The following PCDHA11 variants were observed in gnomAD, a reference collection of about 807,000 sequenced individuals.
PCDHA11 encodes the protein protocadherin alpha-11.
A neutral mutation model predicts 70.3 loss-of-function variants in PCDHA11; 61 were observed. That is an observed-to-expected ratio of 0.87 (90% confidence interval 0.71 to 1.07). The LOEUF is 1.07. Among genes scored for constraint, PCDHA11 ranks in the 50% least tolerant of loss-of-function variants. PCDHA11 has a pLI of 0.00. For missense variants in PCDHA11, 1,324 were observed against 1,237.5 expected (o/e 1.07, Z -1.05); for synonymous variants, 633 against 555.1 (o/e 1.14, Z -1.97).
intron 1 of PCDHA11, among the ~76,000 whole-genome samples, chr5:140,951,147 AATATAGT>A (rs1554219760): frequency 9.9e-6 from 1 of 100,716 alleles, no homozygotes; most frequent in African/African-American, 4.8e-5. Flanking sequence ...TATCTTATTG[AATATAGT>A]TATAGTAGCT....
intron 1 of PCDHA11, among the ~76,000 whole-genome samples, chr5:140,924,892 C>A: frequency 1.2e-5 from 1 of 82,680 alleles, no homozygotes; most frequent in Admixed American, 1.2e-4. Context: ...AAGAACCTGT[C>A]TCAAAAAAAA....
At chr5:140,903,321 T>A (rs2070191003) in intron 1 of PCDHA11, among the ~76,000 whole-genome samples, 1 of 152,174 alleles carries the variant, frequency 6.6e-6, no homozygotes, top group Non-Finnish European at 1.5e-5. Flanking sequence ...GACAGCATTT[T>A]TATTGAGGAA....
At chr5:140,965,314 T>C (rs563123453) in intron 1 of PCDHA11, among the ~76,000 whole-genome samples, 1 of 152,254 alleles carries the variant, frequency 6.6e-6, no homozygotes, top group East Asian at 1.9e-4. Flanking sequence ...TACCTTCTCT[T>C]TTACTGAAGT....
At chr5:140,951,326 T>C (rs2094571744) in intron 1 of PCDHA11, among the ~76,000 whole-genome samples, 1 of 152,158 alleles carries the variant, frequency 6.6e-6, no homozygotes, top group Admixed American at 6.5e-5. Context: ...TTGAGATTCA[T>C]CATTCTGTTT....
At chr5:140,885,157 C>G (rs2060491561) in intron 1 of PCDHA11, among the ~76,000 whole-genome samples, 1 of 151,962 alleles carries the variant, frequency 6.6e-6, no homozygotes, top group African/African-American at 2.4e-5. Context: ...TTGATTGTCT[C>G]TACTTTTTTG....
At chr5:140,920,828 G>A (rs1482219421) in intron 1 of PCDHA11, among the ~76,000 whole-genome samples, 4 of 147,976 alleles carry the variant, frequency 2.7e-5, no homozygotes, top group African/African-American at 1.0e-4. Context: ...TGGCGACGGA[G>A]CAAGACCAAA....
At chr5:140,968,591 G>A (rs1289458266) in intron 1 of PCDHA11, 3 of 1,614,098 alleles carry the variant, frequency 1.9e-6, no homozygotes, top group Non-Finnish European at 2.5e-6. Flanking sequence ...CAAAGTCATA[G>A]CTATGGACTC....
chr5:140,992,976 AG>A (rs2097535791), intron 3 of PCDHA11, among the ~76,000 whole-genome samples: 3 of 152,240 alleles, frequency 2.0e-5, no homozygotes, highest in Non-Finnish European at 4.4e-5. Flanking sequence ...GACAATGATT[AG>A]GCCATGGGAC....
intron 1 of PCDHA11, among the ~76,000 whole-genome samples, chr5:140,909,595 A>G (rs1336934015): frequency 6.6e-6 from 1 of 151,976 alleles, no homozygotes; most frequent in Non-Finnish European, 1.5e-5. Context: ...TTGATTTACT[A>G]TTTTTCTAGG....
In PCDHA11 at chr5:140,883,789, C is replaced by T. The variant is rs782802452; in HGVS notation, c.2391+12295C>T. ...TGGGCGAGCGTGCGCTGTCGAGCTACGTGTCGGTGCACGCGGAGAGCGGCA... is the reference window on the plus strand; with the variant it reads ...TGGGCGAGCGTGCGCTGTCGAGCTATGTGTCGGTGCACGCGGAGAGCGGCA... On this transcript the variant is annotated intron_variant, in intron 1 of 3. Coordinates refer to ENST00000398640, the MANE Select transcript of PCDHA11 (RefSeq NM_018902.5). 1.4e-5 allele frequency: 22 copies of T among 1,612,296 alleles called. No homozygotes were observed. In the South Asian group the frequency reaches 2.0e-4, roughly 14 times the overall value.
rs147430561 is a variant in PCDHA11, at chr5:140,928,238, A to G, written c.2392-50711A>G. 4.7e-4 allele frequency: 756 copies of G among 1,614,188 alleles called. 4 individuals carry two copies. The African/African-American group carries it at 9.0e-3, about 19-fold the overall frequency. Reference sequence around the variant, plus strand: ...AATACACCAAACTTTCCTCAACCCCAGCAGGAACTTTTCGTTGCTGAAAAC... The same window carrying G: ...AATACACCAAACTTTCCTCAACCCCGGCAGGAACTTTTCGTTGCTGAAAAC... On this transcript the variant is annotated intron_variant, in intron 1 of 3. Coordinates refer to ENST00000398640, the MANE Select transcript of PCDHA11 (RefSeq NM_018902.5).
chr5:140,870,096 T>C lies in PCDHA11; in HGVS notation c.993T>C (p.Gly331=). ...ATDKGTPPMA[G]HCTVWVEILD... ...ATAAGGGGACTCCCCCAATGGCAGG[T>C]CACTGTACAGTCTGGGTGGAAATCT... Residue 331 remains glycine (G), a synonymous_variant, in exon 1 of 4, where the codon GGT becomes GGC. Transcript: ENST00000398640. The C allele has an allele frequency of 6.2e-7, 1 of 1,613,854 alleles. No individual in the cohort carries two copies. Among genetic ancestry groups the C allele is most frequent in the Non-Finnish European group, 8.5e-7 (1 of 1,179,890 alleles).
At chr5:141,003,160 C>T (rs1383713910) in intron 3 of PCDHA11, among the ~76,000 whole-genome samples, 3 of 152,200 alleles carry the variant, frequency 2.0e-5, no homozygotes. Context: ...CCTGATCAAT[C>T]CTAGTCCCTG....
At chr5:140,918,940 A>C (rs541337613) in intron 1 of PCDHA11, among the ~76,000 whole-genome samples, 51 of 152,328 alleles carry the variant, frequency 3.3e-4, no homozygotes, top group African/African-American at 1.2e-3. Flanking sequence ...TTTTGTTATA[A>C]TATCCTGAAC....
At chr5:140,962,585 T>C (rs2095694248) in intron 1 of PCDHA11, among the ~76,000 whole-genome samples, 1 of 152,216 alleles carries the variant, frequency 6.6e-6, no homozygotes, top group South Asian at 2.1e-4. Flanking sequence ...ATGCCAAATA[T>C]TTGACTGATA....
rs782482530 is a variant in PCDHA11, at chr5:140,871,024, T to A, written c.1921T>A (p.Ser641Thr). Residue 641 changes from serine (S) to threonine (T), a missense_variant, in exon 1 of 4, where the codon TCG (serine) becomes ACG (threonine). Physicochemically the swap from Ser to Thr is moderately conservative, Grantham distance 58 (BLOSUM62 1). Coordinates refer to ENST00000398640, the MANE Select transcript of PCDHA11 (RefSeq NM_018902.5). ...STTRALDEADSPRHRLLVLVK... is the reference protein window; with the variant it reads ...STTRALDEADTPRHRLLVLVK... Reference sequence around the variant, plus strand: ...AACGCGTGCCCTGGACGAGGCAGACTCGCCGCGCCACCGACTTCTAGTACT... The same window carrying A: ...AACGCGTGCCCTGGACGAGGCAGACACGCCGCGCCACCGACTTCTAGTACT... 2 of 1,613,076 alleles carry A rather than the reference T, an allele frequency of 1.2e-6. No homozygotes were observed. Among genetic ancestry groups the A allele is most frequent in the African/African-American group, 1.3e-5 (1 of 74,900 alleles).
chr5:141,009,562 C>G lies in PCDHA11; in HGVS notation c.2540-65C>G, dbSNP rs1469033090. On this transcript the variant is annotated intron_variant, in intron 3 of 3. Transcript: ENST00000398640. ...GCCTATGCAGTACTCCTGTACTCTA[C>G]CAGCAGTGTGGCATCAAGAGCATGT... The G allele has an allele frequency of 2.5e-6, 4 of 1,571,226 alleles. No individual in the cohort carries two copies. In the African/African-American group the frequency reaches 5.4e-5, roughly 21 times the overall value.
chr5:140,887,101 CT>C (rs200717289), intron 1 of PCDHA11, among the ~76,000 whole-genome samples: 3,245 of 145,086 alleles, frequency 0.022, 87 homozygotes, highest in African/African-American at 0.074. Flanking sequence ...ATCTTTATCT[CT>C]TTTTTTTTTT....
rs781816033 is a variant in PCDHA11, at chr5:140,871,159, G to A, written c.2056G>A (p.Ala686Thr). The change falls in exon 1 of 4, where the codon GCG (alanine) becomes ACG (threonine). Residue 686 changes from alanine to threonine, a missense_variant. Transcript: ENST00000398640. ...KASSRTLAGA[A>T]SPEAALVDVN... ...CTCTTCCCGGACTTTGGCGGGCGCC[G>A]CGAGCCCAGAGGCTGCGCTGGTGGA... 2 of 1,613,450 alleles carry A rather than the reference G, an allele frequency of 1.2e-6. No homozygotes were observed. The highest frequency in any genetic ancestry group is 1.3e-5 in the African/African-American group (1 of 75,070).
Sources: allele counts gnomAD v4.1 joint callset (sites outside exome capture counted in the v4.1 genomes callset), GRCh38; gene constraint gnomAD v4.1.1; transcripts MANE v1.5; gene names NCBI Gene and HGNC (gene_info 2026-07-23, HGNC 2026-07-21).